Variants in SLC31A1 observed in about 807,000 individuals in gnomAD.
SLC31A1 encodes the protein high affinity copper uptake protein 1.
A neutral mutation model predicts 17.2 loss-of-function variants in SLC31A1; 5 were observed. That is an observed-to-expected ratio of 0.29 (90% CI 0.15 to 0.61). The LOEUF (loss-of-function observed/expected upper bound fraction) is 0.61. Ranked by LOEUF, SLC31A1 falls within the 20% of genes least tolerant of loss-of-function variation. The probability of loss-of-function intolerance (pLI) is 0.86; values close to 1 mark genes in which losing one functional copy is unlikely to be tolerated. For missense variants in SLC31A1, 161 were observed against 241.4 expected (o/e 0.67, Z 2.21); for synonymous variants, 76 against 78.8 (o/e 0.96, Z 0.19).
chr9:113,236,242 C>T (rs1831457603), intron 1 of SLC31A1, among the ~76,000 whole-genome samples: 1 of 152,180 alleles, frequency 6.6e-6, no homozygotes, highest in East Asian at 1.9e-4. Flanking sequence ...CCCGTCTTGG[C>T]CTCCCAAAGT....
intron 1 of SLC31A1, among the ~76,000 whole-genome samples, chr9:113,244,477 A>C (rs1380959163): frequency 6.6e-6 from 1 of 152,210 alleles, no homozygotes; most frequent in Admixed American, 6.5e-5. Flanking sequence ...ATGGTGAAGA[A>C]AGAGAAAATA....
Position 113,240,732 on chromosome 9 carries a change from C to T in SLC31A1, c.-35-15382C>T, listed in dbSNP as rs371462946. Among the ~76,000 whole-genome samples, 209 of 152,102 alleles carry T rather than the reference C, an allele frequency of 1.4e-3. 2 individuals are homozygous for T. Among genetic ancestry groups the T allele is most frequent in the African/African-American group, 4.8e-3 (201 of 41,494 alleles). On this transcript the variant is annotated intron_variant, in intron 1 of 4. Transcript: ENST00000374212. ...CCAGGGAATTACAAAAGCCTGAAAA[C>T]GCATACAAATGTCAAAATGCTGAAT...
chr9:113,225,756 A>G (rs1405252403), intron 1 of SLC31A1, among the ~76,000 whole-genome samples: 1 of 152,176 alleles, frequency 6.6e-6, no homozygotes, highest in African/African-American at 2.4e-5. Context: ...GTAGAGAAGG[A>G]CTTAGGAATC....
intron 1 of SLC31A1, among the ~76,000 whole-genome samples, chr9:113,229,514 G>A (rs1389385001): frequency 1.3e-5 from 2 of 152,086 alleles, no homozygotes; most frequent in Admixed American, 1.3e-4. Context: ...TCCATTGTAT[G>A]AAAATATGAT....
At chr9:113,230,492 C>G (rs1323948415) in intron 1 of SLC31A1, among the ~76,000 whole-genome samples, 1 of 152,164 alleles carries the variant, frequency 6.6e-6, no homozygotes, top group Non-Finnish European at 1.5e-5. Context: ...CTCCTGGACT[C>G]AAGAGATCCT....
intron 1 of SLC31A1, among the ~76,000 whole-genome samples, chr9:113,241,179 TAGTG>T (rs1358670872): frequency 2.6e-5 from 4 of 152,004 alleles, no homozygotes; most frequent in African/African-American, 4.8e-5. Flanking sequence ...AAATGCCACA[TAGTG>T]AGCTTAAAAA....
At position 113,260,932 on chromosome 9, in the gene SLC31A1, C is replaced by G; in HGVS notation, c.*459C>G. On this transcript the variant is annotated 3_prime_UTR_variant, in exon 5 of 5. Coordinates refer to ENST00000374212, the MANE Select transcript of SLC31A1 (RefSeq NM_001859.4). The stretch of plus-strand genomic sequence containing the variant: ...GATGGCAGCTGAGGGAAATTCTTGC[C>G]CAACTAAACCCAGAACTCAAACTTA... 1 of 284,708 alleles carries G rather than the reference C, an allele frequency of 3.5e-6. No individual in the cohort carries two copies. Among genetic ancestry groups the G allele is most frequent in the South Asian group, 3.5e-5 (1 of 28,322 alleles). The allele number at this position is 284,708 out of a possible 1,614,324, so 17.6% of individuals were successfully genotyped here.
intron 1 of SLC31A1, among the ~76,000 whole-genome samples, chr9:113,253,145 G>T (rs915453763): frequency 2.0e-5 from 3 of 151,900 alleles, no homozygotes; most frequent in Admixed American, 6.6e-5. Flanking sequence ...TAGTAGAGAC[G>T]GGGTTTCACC....
intron 1 of SLC31A1, among the ~76,000 whole-genome samples, chr9:113,251,078 T>C (rs1052980145): frequency 6.6e-6 from 1 of 152,210 alleles, no homozygotes; most frequent in Non-Finnish European, 1.5e-5. Flanking sequence ...CCTGAGGTAT[T>C]CTGTTATAGC....
At chr9:113,246,661 AT>A (rs1831582788) in intron 1 of SLC31A1, among the ~76,000 whole-genome samples, 2 of 143,226 alleles carry the variant, frequency 1.4e-5, no homozygotes, top group African/African-American at 5.3e-5. Context: ...GATAATTTTT[AT>A]TTTTATTTTA....
At chr9:113,235,157 G>GAA (rs34998075) in intron 1 of SLC31A1, among the ~76,000 whole-genome samples, 3 of 151,912 alleles carry the variant, frequency 2.0e-5, no homozygotes, top group Non-Finnish European at 4.4e-5. Flanking sequence ...AGACCTCACA[G>GAA]AAAAATAAGC....
chr9:113,248,044 C>T (rs1831602546), intron 1 of SLC31A1, among the ~76,000 whole-genome samples: 3 of 152,122 alleles, frequency 2.0e-5, no homozygotes, highest in African/African-American at 7.2e-5. Context: ...GATGGCCAGG[C>T]ATGGTGGCTC....
intron 1 of SLC31A1, 68 bp from the exon 2 acceptor site, chr9:113,256,045 TA>T: frequency 8.2e-7 from 1 of 1,226,054 alleles, no homozygotes; most frequent in Non-Finnish European, 1.1e-6. Flanking sequence ...ATTCCATCTC[TA>T]AAAATAAAAA....
chr9:113,238,088 C>G (rs1831483066), intron 1 of SLC31A1, among the ~76,000 whole-genome samples: 1 of 152,020 alleles, frequency 6.6e-6, no homozygotes, highest in Non-Finnish European at 1.5e-5. Flanking sequence ...ATATAGTAAC[C>G]CTGAAGGAGG....
chr9:113,239,177 A>C (rs950913777), intron 1 of SLC31A1, among the ~76,000 whole-genome samples: 8 of 151,716 alleles, frequency 5.3e-5, no homozygotes, highest in Non-Finnish European at 2.9e-5. Context: ...CTGACTCCAG[A>C]CTTTTTTTTT....
chr9:113,260,483 C>T lies in SLC31A1; in HGVS notation c.*10C>T. 1 of 1,610,568 alleles carries T rather than the reference C, an allele frequency of 6.2e-7. No individual in the cohort carries two copies. Reference sequence around the variant, plus strand: ...AGAGCATTGCCATTGACATCAAACTCTATGGCGTGGCCTTATCGATTGCAG... The same window carrying T: ...AGAGCATTGCCATTGACATCAAACTTTATGGCGTGGCCTTATCGATTGCAG... On this transcript the variant is annotated 3_prime_UTR_variant, in exon 5 of 5. Transcript: ENST00000374212.
intron 1 of SLC31A1, among the ~76,000 whole-genome samples, chr9:113,254,303 C>A (rs1831695402): frequency 6.6e-6 from 1 of 152,130 alleles, no homozygotes. Flanking sequence ...CAGCTTATTT[C>A]CTTCACAGCA....
In SLC31A1 at chr9:113,257,169, G is replaced by T. The variant is rs146294425; in HGVS notation, c.186G>T (p.Val62=). 2.2e-4 allele frequency: 352 copies of T among 1,613,714 alleles called. 3 individuals carry two copies. In the East Asian group the frequency reaches 7.8e-3, roughly 36 times the overall value. ...KNVELLFSGL[V]INTAGEMAGA... The stretch of plus-strand genomic sequence containing the variant: ...TGGAACTACTGTTTTCCGGTTTGGT[G>T]ATCAATACAGCTGGAGGTGAGTAAG... Residue 62 remains valine (V), a synonymous_variant, in exon 3 of 5, where the codon GTG becomes GTT. Coordinates refer to ENST00000374212, the MANE Select transcript of SLC31A1 (RefSeq NM_001859.4).
At chr9:113,242,562 A>G (rs2118999232) in intron 1 of SLC31A1, among the ~76,000 whole-genome samples, 1 of 151,948 alleles carries the variant, frequency 6.6e-6, no homozygotes, top group East Asian at 1.9e-4. Context: ...ATGACACCAC[A>G]CCCAGCTAAT....
Sources: allele counts gnomAD v4.1 joint callset (sites outside exome capture counted in the v4.1 genomes callset), GRCh38; gene constraint gnomAD v4.1.1; transcripts MANE v1.5; gene names NCBI Gene and HGNC (gene_info 2026-07-23, HGNC 2026-07-21).